LRRC4C: variants seen among roughly 807,000 people sequenced by gnomAD.
The protein encoded by LRRC4C is leucine rich repeat containing 4C.
Under a neutral mutation model 33.6 loss-of-function variants are expected in LRRC4C, and 5 were observed. The ratio of observed to expected loss-of-function variants is 0.15; its 90% CI spans 0.08 to 0.31. The LOEUF (loss-of-function observed/expected upper bound fraction) is 0.31. LRRC4C is among the 10% of genes least tolerant of loss of function. The pLI is 1.00. For missense variants in LRRC4C, 560 were observed against 796.7 expected (o/e 0.70, Z 3.58); for synonymous variants, 329 against 302.0 (o/e 1.09, Z -0.93).
intron 1 of LRRC4C, among the ~76,000 whole-genome samples, chr11:41,269,676 A>G (rs1337035484): frequency 6.6e-6 from 1 of 152,240 alleles, no homozygotes; most frequent in East Asian, 1.9e-4. Flanking sequence ...GATTTTCCTG[A>G]GTAAATCAAG....
At chr11:40,855,531 A>AT (rs895869440) in intron 2 of LRRC4C, among the ~76,000 whole-genome samples, 8 of 151,990 alleles carry the variant, frequency 5.3e-5, no homozygotes, top group Non-Finnish European at 1.0e-4. Flanking sequence ...GTGTTTTTGG[A>AT]TTTTTTTTCA....
At chr11:41,412,352 G>C (rs1954520660) in intron 1 of LRRC4C, among the ~76,000 whole-genome samples, 1 of 152,116 alleles carries the variant, frequency 6.6e-6, no homozygotes, top group African/African-American at 2.4e-5. Flanking sequence ...TTTATGAGCA[G>C]AAATATGCCA....
At chr11:40,174,935 A>C (rs1186208424) in intron 5 of LRRC4C, among the ~76,000 whole-genome samples, 1 of 152,192 alleles carries the variant, frequency 6.6e-6, no homozygotes, top group Non-Finnish European at 1.5e-5. Flanking sequence ...ATGGTGCTAA[A>C]CCCACAAATT....
At chr11:40,524,308 G>A (rs1226098971) in intron 3 of LRRC4C, among the ~76,000 whole-genome samples, 1 of 152,046 alleles carries the variant, frequency 6.6e-6, no homozygotes, top group East Asian at 1.9e-4. Flanking sequence ...TCCTCTCTGG[G>A]AAAAGAAATA....
intron 2 of LRRC4C, among the ~76,000 whole-genome samples, chr11:40,918,736 A>G (rs995035386): frequency 6.6e-6 from 1 of 152,146 alleles, no homozygotes; most frequent in Non-Finnish European, 1.5e-5. Flanking sequence ...CCCACGTTAC[A>G]TAGTTGCAGA....
intron 1 of LRRC4C, among the ~76,000 whole-genome samples, chr11:41,181,307 G>T (rs541139535): frequency 6.6e-6 from 1 of 152,186 alleles, no homozygotes; most frequent in Non-Finnish European, 1.5e-5. Context: ...CACCGAATCT[G>T]GAGGAAGGAG....
chr11:40,375,614 G>A (rs1241743855), intron 3 of LRRC4C, among the ~76,000 whole-genome samples: 1 of 152,130 alleles, frequency 6.6e-6, no homozygotes, highest in Non-Finnish European at 1.5e-5. Flanking sequence ...GCAGGTTCTA[G>A]GGATATTTGA....
chr11:40,453,955 A>G (rs1372093364), intron 3 of LRRC4C, among the ~76,000 whole-genome samples: 1 of 152,142 alleles, frequency 6.6e-6, no homozygotes, highest in Non-Finnish European at 1.5e-5. Flanking sequence ...TGTGAATTAT[A>G]TCTCACTAAA....
chr11:41,362,996 A>C (rs922767593), intron 1 of LRRC4C, among the ~76,000 whole-genome samples: 1 of 152,180 alleles, frequency 6.6e-6, no homozygotes, highest in African/African-American at 2.4e-5. Context: ...AGGGGTTAAG[A>C]GCCAGATATC....
chr11:40,321,284 C>A (rs1268302169), intron 3 of LRRC4C, among the ~76,000 whole-genome samples: 1 of 152,020 alleles, frequency 6.6e-6, no homozygotes, highest in Non-Finnish European at 1.5e-5. Flanking sequence ...AATACATTTC[C>A]TAAAACTGAA....
chr11:40,874,529 C>G (rs576168543), intron 2 of LRRC4C, among the ~76,000 whole-genome samples: 5 of 152,270 alleles, frequency 3.3e-5, no homozygotes, highest in African/African-American at 1.2e-4. Flanking sequence ...ATGCCTCCCA[C>G]TTTGGAAAAT....
intron 3 of LRRC4C, among the ~76,000 whole-genome samples, chr11:40,356,628 T>C (rs1429392080): frequency 1.3e-5 from 2 of 152,090 alleles, no homozygotes; most frequent in Non-Finnish European, 2.9e-5. Flanking sequence ...CTGTGCTGTA[T>C]CACGGGATGA....
At chr11:40,163,766 C>A (rs1355742148) in intron 5 of LRRC4C, among the ~76,000 whole-genome samples, 1 of 152,002 alleles carries the variant, frequency 6.6e-6, no homozygotes, top group Non-Finnish European at 1.5e-5. Flanking sequence ...GAGCCACACC[C>A]TTATATAATC....
chr11:41,287,237 A>G (rs1949856418), intron 1 of LRRC4C, among the ~76,000 whole-genome samples: 1 of 152,192 alleles, frequency 6.6e-6, no homozygotes, highest in Non-Finnish European at 1.5e-5. Context: ...TGATCTGGTT[A>G]TTACATAGAA....
chr11:40,222,893 G>C (rs1364687803), intron 5 of LRRC4C, among the ~76,000 whole-genome samples: 3 of 152,084 alleles, frequency 2.0e-5, no homozygotes, highest in African/African-American at 4.8e-5. Flanking sequence ...ATAGAACAGA[G>C]AGAACACAAG....
intron 5 of LRRC4C, among the ~76,000 whole-genome samples, chr11:40,173,597 T>G (rs1413933353): frequency 6.6e-6 from 1 of 152,168 alleles, no homozygotes; most frequent in Non-Finnish European, 1.5e-5. Flanking sequence ...AGAGTACAAT[T>G]CAATCTGAGA....
chr11:40,202,238 A>G (rs1862812414), intron 5 of LRRC4C, among the ~76,000 whole-genome samples: 1 of 137,660 alleles, frequency 7.3e-6, no homozygotes, highest in Admixed American at 7.4e-5. Flanking sequence ...AAAAAAAAAA[A>G]GAGGGATTCC....
At chr11:40,156,656 C>T (rs886387751) in intron 5 of LRRC4C, among the ~76,000 whole-genome samples, 1 of 151,384 alleles carries the variant, frequency 6.6e-6, no homozygotes, top group South Asian at 2.1e-4. Context: ...ACCCAAGCAA[C>T]CAAACAAACA....
chr11:40,208,689 C>A (rs1242572460), intron 5 of LRRC4C, among the ~76,000 whole-genome samples: 2 of 152,064 alleles, frequency 1.3e-5, no homozygotes, highest in African/African-American at 4.8e-5. Context: ...CATGTTATTA[C>A]AAGTATTGCC....
Sources: allele counts gnomAD v4.1 joint callset (sites outside exome capture counted in the v4.1 genomes callset), GRCh38; gene constraint gnomAD v4.1.1; transcripts MANE v1.5; gene names NCBI Gene and HGNC (gene_info 2026-07-23, HGNC 2026-07-21).